UBR1: variants seen among roughly 807,000 people sequenced by gnomAD.
UBR1 encodes ubiquitin protein ligase E3 component n-recognin 1, also known as E3 ubiquitin-protein ligase UBR1.
A neutral mutation model predicts 242.1 loss-of-function variants in UBR1; 102 were observed. That is an observed-to-expected ratio of 0.42 (90% CI 0.36 to 0.50). The LOEUF (loss-of-function observed/expected upper bound fraction) is 0.50. UBR1 is among the 20% of genes least tolerant of loss of function. The pLI is 0.01. For synonymous variants in UBR1, 675 were observed against 684.8 expected (o/e 0.99, Z 0.22); for missense variants, 1,772 against 2,101.8 (o/e 0.84, Z 3.07).
intron 29 of UBR1, chr15:43,011,866 A>C: frequency 2.3e-6 from 1 of 441,754 alleles, no homozygotes; most frequent in South Asian, 1.6e-5. Context: ...GTCTAAAGTC[A>C]GATGAATAAA....
intron 40 of UBR1, among the ~76,000 whole-genome samples, chr15:42,969,566 G>A (rs895609182): frequency 6.6e-6 from 1 of 152,052 alleles, no homozygotes; most frequent in East Asian, 1.9e-4. Context: ...ATTGCTTTTG[G>A]TGTTTTAGTC....
At chr15:42,953,199 T>C (rs2031863241) in intron 44 of UBR1, among the ~76,000 whole-genome samples, 1 of 152,238 alleles carries the variant, frequency 6.6e-6, no homozygotes, top group Admixed American at 6.5e-5. Context: ...TTACATAGTA[T>C]GCTGGAGGCG....
chr15:43,022,947 T>C, intron 25 of UBR1, 146 bp from the exon 26 acceptor site: 1 of 544,224 alleles, frequency 1.8e-6, no homozygotes, highest in South Asian at 2.1e-5. Flanking sequence ...ACTGCAGCCT[T>C]AAGCTCTTGG....
At chr15:43,043,189 T>C (rs2033440956) in intron 15 of UBR1, 26 bp downstream of exon 15, 1 of 1,613,446 alleles carries the variant, frequency 6.2e-7, no homozygotes, top group Non-Finnish European at 8.5e-7. Context: ...AATAGGTATA[T>C]GCAAAAAGAA....
At chr15:43,095,195 C>A (rs1478363555) in intron 1 of UBR1, among the ~76,000 whole-genome samples, 3 of 152,144 alleles carry the variant, frequency 2.0e-5, no homozygotes, top group African/African-American at 7.2e-5. Context: ...AATTAACAGA[C>A]TTTCCCTCCA....
chr15:43,071,938 C>T (rs1193208482), intron 4 of UBR1, among the ~76,000 whole-genome samples: 1 of 152,162 alleles, frequency 6.6e-6, no homozygotes, highest in Non-Finnish European at 1.5e-5. Flanking sequence ...GTAAAAAGAT[C>T]AGCAAGATTG....
At chr15:43,051,063 TTTCATTACC>T (rs1350492958) in intron 12 of UBR1, among the ~76,000 whole-genome samples, 3 of 152,316 alleles carry the variant, frequency 2.0e-5, no homozygotes, top group South Asian at 2.1e-4. Context: ...AACCCGGCAA[TTTCATTACC>T]GGGTATTCAC....
At chr15:43,028,953 C>T (rs1182190107) in intron 21 of UBR1, among the ~76,000 whole-genome samples, 2 of 151,554 alleles carry the variant, frequency 1.3e-5, no homozygotes, top group Admixed American at 6.6e-5. Context: ...GGTGTGGTGG[C>T]GTGCACCTGT....
At position 43,050,101 on chromosome 15, in the gene UBR1, G is replaced by A. The variant is rs571933150; in HGVS notation, c.1440-1610C>T. Among the ~76,000 whole-genome samples, 14 of 152,200 alleles carry A rather than the reference G, an allele frequency of 9.2e-5. No individual in the cohort carries two copies. In the South Asian group the frequency reaches 2.9e-3, roughly 32 times the overall value. ...TCAGTAGCTAAGACTACAGGCGCGT[G>A]CCACCAAACCTGGCTAATTTTATTT... is the stretch of plus-strand genomic sequence containing the variant. On this transcript the variant is annotated intron_variant, in intron 12 of 46. Transcript: ENST00000290650.
At chr15:42,958,150 G>A in intron 43 of UBR1, 60 bp from the exon 44 acceptor site, 1 of 1,186,850 alleles carries the variant, frequency 8.4e-7, no homozygotes, top group South Asian at 1.2e-5. Flanking sequence ...ATCAAAAACT[G>A]CCCAAAGTGA....
Position 42,957,993 on chromosome 15 carries a change from T to TATA in UBR1, c.4835+17_4835+19dup. ...AAAATGATTTAAAATTACACACATA[T>TATA]ATATACACACTCTCCTTACCTGAAA... On this transcript the variant is annotated intron_variant, in intron 44 of 46. Transcript: ENST00000290650. 1 of 1,586,718 alleles carries TATA rather than the reference T, an allele frequency of 6.3e-7. No homozygotes were observed. The highest frequency in any genetic ancestry group is 8.6e-7 in the Non-Finnish European group (1 of 1,156,210).
intron 39 of UBR1, among the ~76,000 whole-genome samples, chr15:42,973,941 T>C (rs960708857): frequency 6.7e-6 from 1 of 149,426 alleles, no homozygotes; most frequent in African/African-American, 2.5e-5. Context: ...CAGTCTGTAG[T>C]GCAGTGGAGC....
At chr15:43,005,533 C>A (rs1212997181) in intron 30 of UBR1, among the ~76,000 whole-genome samples, 1 of 152,146 alleles carries the variant, frequency 6.6e-6, no homozygotes, top group Admixed American at 6.5e-5. Flanking sequence ...TCTGTCCAGC[C>A]ACCCCGTCTG....
chr15:43,020,183 G>A (rs769289149), intron 27 of UBR1, among the ~76,000 whole-genome samples: 11 of 152,240 alleles, frequency 7.2e-5, no homozygotes, highest in Admixed American at 4.6e-4. Flanking sequence ...AGGACTACAG[G>A]TGTGCCCCAC....
chr15:43,020,773 T>C (rs1244699177), intron 27 of UBR1, among the ~76,000 whole-genome samples: 1 of 152,210 alleles, frequency 6.6e-6, no homozygotes, highest in African/African-American at 2.4e-5. Context: ...CACAGAGCTT[T>C]TGCACTGCTG....
In UBR1 at chr15:42,998,211, A is replaced by C; in HGVS notation, c.3714T>G (p.Thr1238=). The C allele has an allele frequency of 6.2e-7, 1 of 1,614,062 alleles. No homozygotes were observed. Among genetic ancestry groups the C allele is most frequent in the Non-Finnish European group, 8.5e-7 (1 of 1,179,986 alleles). Residue 1238 remains threonine, a synonymous_variant, in exon 33 of 47, where the codon ACT becomes ACG. Transcript: ENST00000290650. ...TATAACCTGATATTCTGGCCAGAACAGTCTGTATCCACCGTGCCAGGGTCA... is the reference window on the plus strand; with the variant it reads ...TATAACCTGATATTCTGGCCAGAACCGTCTGTATCCACCGTGCCAGGGTCA... The part of the protein sequence containing the change: ...QLLTLARWIQ[T]VLARISGYNI...
rs1451755665 is a variant in UBR1, at chr15:43,076,994, C to CT, written c.418-1906dup. Among the ~76,000 whole-genome samples the CT allele has an allele frequency of 7.3e-4, 67 of 92,238 alleles. 1 individual carries two copies. Among genetic ancestry groups the CT allele is most frequent in the African/African-American group, 2.4e-3 (63 of 26,312 alleles). The allele number at this position is 92,238 out of a possible 152,430, so 60.5% of individuals were successfully genotyped here. A position where few individuals can be genotyped will look rare whatever the true frequency, so the allele number is the denominator to read the frequency against. ...CCCTACTGGGAAGTGAGGAGCCCCT[C>CT]TGCCTGGCCAGCCGCCCCGTCGGGG... On this transcript the variant is annotated intron_variant, in intron 3 of 46. Transcript: ENST00000290650.
At chr15:43,078,585 A>AT (rs2033935167) in intron 3 of UBR1, among the ~76,000 whole-genome samples, 1 of 152,210 alleles carries the variant, frequency 6.6e-6, no homozygotes, top group Non-Finnish European at 1.5e-5. Context: ...AAAGAAAACT[A>AT]TAACACAATG....
chr15:43,084,876 A>G (rs1186412705), intron 2 of UBR1, among the ~76,000 whole-genome samples: 1 of 152,266 alleles, frequency 6.6e-6, no homozygotes. Context: ...AATTCTCTGT[A>G]TTTATAAAGT....
Sources: allele counts gnomAD v4.1 joint callset (sites outside exome capture counted in the v4.1 genomes callset), GRCh38; gene constraint gnomAD v4.1.1; transcripts MANE v1.5; gene names NCBI Gene and HGNC (gene_info 2026-07-23, HGNC 2026-07-21).